FAT3: variants seen among roughly 807,000 people sequenced by gnomAD.
FAT3 encodes the protein protocadherin Fat 3.
FAT3 carries 95 observed loss-of-function variants against 310.2 expected under a neutral mutation model. The ratio of observed to expected loss-of-function variants is 0.31; its 90% CI spans 0.26 to 0.36. The LOEUF (loss-of-function observed/expected upper bound fraction) is 0.36, where lower values mean the gene tolerates loss of function less well. Among genes scored for constraint, FAT3 ranks in the 10% least tolerant of loss-of-function variants. The pLI is 1.00. For synonymous variants in FAT3, 2,314 were observed against 2,192.9 expected (o/e 1.06, Z -1.54); for missense variants, 5,408 against 5,715.6 (o/e 0.95, Z 1.74).
At chr11:92,302,648 T>G (rs1474692842) in intron 1 of FAT3, among the ~76,000 whole-genome samples, 1 of 152,134 alleles carries the variant, frequency 6.6e-6, no homozygotes, top group African/African-American at 2.4e-5. Flanking sequence ...TAAACATTTT[T>G]TTTTCATACT....
At chr11:92,763,944 T>C (rs1946232502) in intron 5 of FAT3, among the ~76,000 whole-genome samples, 2 of 152,214 alleles carry the variant, frequency 1.3e-5, no homozygotes, top group Admixed American at 6.5e-5. Context: ...GTGCTATGCA[T>C]TGTCACTGTT....
intron 2 of FAT3, among the ~76,000 whole-genome samples, chr11:92,395,582 C>CTT (rs879447133): frequency 4.8e-5 from 7 of 144,500 alleles, no homozygotes; most frequent in African/African-American, 1.0e-4. Flanking sequence ...TTCAGTGTCA[C>CTT]TTTTTTTTTT....
At chr11:92,582,333 C>T (rs1468676257) in intron 3 of FAT3, among the ~76,000 whole-genome samples, 1 of 151,952 alleles carries the variant, frequency 6.6e-6, no homozygotes, top group Non-Finnish European at 1.5e-5. Context: ...TCATTTTACC[C>T]AGCTCCTATT....
At chr11:92,618,291 A>T (rs1231362388) in intron 3 of FAT3, among the ~76,000 whole-genome samples, 1 of 152,186 alleles carries the variant, frequency 6.6e-6, no homozygotes, top group Non-Finnish European at 1.5e-5. Context: ...GGCGCGGGAT[A>T]CAATCTCCTG....
chr11:92,809,780 G>T, intron 12 of FAT3, 63 bp from the exon 13 acceptor site: 1 of 1,291,372 alleles, frequency 7.7e-7, no homozygotes, highest in Non-Finnish European at 1.1e-6. Flanking sequence ...TTGGTCCTCT[G>T]CTCTCCAAAG....
At chr11:92,359,286 A>G (rs1948815523) in intron 2 of FAT3, among the ~76,000 whole-genome samples, 1 of 152,136 alleles carries the variant, frequency 6.6e-6, no homozygotes, top group East Asian at 1.9e-4. Context: ...TGTCTTAGAT[A>G]AATTTCTTTT....
At chr11:92,776,357 A>G (rs982584690) in intron 7 of FAT3, among the ~76,000 whole-genome samples, 2 of 152,238 alleles carry the variant, frequency 1.3e-5, no homozygotes, top group Non-Finnish European at 2.9e-5. Context: ...AACAACAAAA[A>G]TTATCAATGA....
chr11:92,259,548 TAAATAAATAAAAATAA>T (rs1261394240), intron 1 of FAT3, among the ~76,000 whole-genome samples: 2 of 146,566 alleles, frequency 1.4e-5, no homozygotes, highest in Middle Eastern at 3.2e-3. Context: ...TAACAAAAAA[TAAATAAATAAAAATAA>T]AAATAAATAA....
intron 2 of FAT3, among the ~76,000 whole-genome samples, chr11:92,451,632 G>C (rs1951353764): frequency 6.6e-6 from 1 of 152,126 alleles, no homozygotes; most frequent in Admixed American, 6.6e-5. Flanking sequence ...TCATGTGACT[G>C]TAGATATTTC....
intron 3 of FAT3, among the ~76,000 whole-genome samples, chr11:92,542,335 T>C (rs1006514419): frequency 6.6e-6 from 1 of 151,982 alleles, no homozygotes; most frequent in Non-Finnish European, 1.5e-5. Flanking sequence ...ACTAGACACA[T>C]TGGATTATGT....
chr11:92,443,981 A>AAG lies in FAT3; in HGVS notation c.3293-80653_3293-80652insAG, dbSNP rs1565321626. On this transcript the variant is annotated intron_variant, in intron 2 of 27. Transcript: ENST00000525166. ...ACTGATATCACAAGTGAGGAAACTCAGTTTCTTGGACAGTGTTTCCTATGC... is the reference window on the plus strand; with the variant it reads ...ACTGATATCACAAGTGAGGAAACTCAAGGTTTCTTGGACAGTGTTTCCTATGC... 5.3e-5 allele frequency among the ~76,000 whole-genome samples: 8 copies of AAG among 152,340 alleles called. No individual in the cohort carries two copies. The East Asian group carries it at 1.5e-3, about 29-fold the overall frequency.
intron 3 of FAT3, among the ~76,000 whole-genome samples, chr11:92,558,442 G>A (rs191295537): frequency 7.7e-4 from 107 of 138,512 alleles, no homozygotes; most frequent in African/African-American, 2.7e-3. Flanking sequence ...GTGTGTTTAA[G>A]CTGCTGAGTA....
chr11:92,706,340 C>T (rs1338462666), intron 4 of FAT3, among the ~76,000 whole-genome samples: 1 of 152,018 alleles, frequency 6.6e-6, no homozygotes, highest in African/African-American at 2.4e-5. Context: ...CTAGTACATT[C>T]AAAACAGAGA....
chr11:92,550,128 A>T (rs796622912), intron 3 of FAT3, among the ~76,000 whole-genome samples: 32 of 152,312 alleles, frequency 2.1e-4, no homozygotes, highest in African/African-American at 7.5e-4. Flanking sequence ...TTTTGTTTTA[A>T]ATCACTTTAA....
chr11:92,286,463 T>A (rs113296866), intron 1 of FAT3, among the ~76,000 whole-genome samples: 1 of 152,152 alleles, frequency 6.6e-6, no homozygotes, highest in Non-Finnish European at 1.5e-5. Context: ...GTTCATTCAG[T>A]TCTCTATGTA....
At chr11:92,568,762 AAC>A (rs1466545666) in intron 3 of FAT3, among the ~76,000 whole-genome samples, 1 of 152,064 alleles carries the variant, frequency 6.6e-6, no homozygotes, top group African/African-American at 2.4e-5. Flanking sequence ...CTATTTATCC[AAC>A]AGTTTCCAAC....
chr11:92,487,935 G>A (rs1406512408), intron 2 of FAT3, among the ~76,000 whole-genome samples: 1 of 152,174 alleles, frequency 6.6e-6, no homozygotes, highest in African/African-American at 2.4e-5. Context: ...CTGTCCCTTG[G>A]TGTGCACACC....
At chr11:92,641,839 A>G (rs922008904) in intron 3 of FAT3, among the ~76,000 whole-genome samples, 2 of 152,382 alleles carry the variant, frequency 1.3e-5, no homozygotes, top group Non-Finnish European at 2.9e-5. Flanking sequence ...TTTAGAAACA[A>G]AGTTTATTGC....
At chr11:92,742,783 C>T (rs900149362) in intron 4 of FAT3, among the ~76,000 whole-genome samples, 1 of 152,164 alleles carries the variant, frequency 6.6e-6, no homozygotes, top group Non-Finnish European at 1.5e-5. Flanking sequence ...ATTGTTTATC[C>T]ATTTCCCAGT....
Sources: gnomAD v4.1 joint callset for allele counts (sites outside exome capture counted in the v4.1 genomes callset) on GRCh38, gnomAD v4.1.1 for gene constraint, MANE v1.5 for transcripts, NCBI Gene and HGNC (gene_info 2026-07-23, HGNC 2026-07-21) for gene names.